The following ANKHD1 variants were observed in gnomAD, a reference collection of about 807,000 sequenced individuals.
The protein encoded by ANKHD1 is ankyrin repeat and KH domain containing 1, also known as ankyrin repeat and KH domain-containing protein 1.
Under a neutral mutation model 230.5 loss-of-function variants are expected in ANKHD1, and 31 were observed. That is an observed-to-expected ratio of 0.13 (90% CI 0.10 to 0.18). ANKHD1 has a LOEUF of 0.18. Among genes scored for constraint, ANKHD1 ranks in the 10% least tolerant of loss-of-function variants. The probability of loss-of-function intolerance (pLI) is 1.00; values close to 1 mark genes in which losing one functional copy is unlikely to be tolerated. For synonymous variants in ANKHD1, 1,074 were observed against 1,117.6 expected, an observed-to-expected ratio of 0.96 and a Z score of 0.78; for missense variants, 2,256 against 3,071.3, an observed-to-expected ratio of 0.73 and a Z score of 6.27.
chr5:140,537,767 A>T, intron 31 of ANKHD1, 178 bp downstream of exon 31: 2 of 1,084,716 alleles, frequency 1.8e-6, no homozygotes, highest in Non-Finnish European at 2.5e-6. Flanking sequence ...AGTCTGGAAT[A>T]TTGGTTGAGG....
intron 7 of ANKHD1, among the ~76,000 whole-genome samples, chr5:140,457,773 C>A (rs538361814): frequency 8.6e-5 from 13 of 151,608 alleles, no homozygotes; most frequent in South Asian, 2.1e-4. Flanking sequence ...TTAACGGATG[C>A]AGCACACCAA....
chr5:140,509,629 T>G lies in ANKHD1; in HGVS notation c.3766-8T>G, dbSNP rs1581354024. The G allele has an allele frequency of 6.5e-7, 1 of 1,537,164 alleles. No individual in the cohort carries two copies. The highest frequency in any genetic ancestry group is 2.3e-5 in the East Asian group (1 of 43,014). ...TAACTTAGTTGCATAATTTATTGGT[T>G]TAAACAGACGGGTCTTACCCCCTTG... On this transcript the variant is annotated splice_polypyrimidine_tract_variant and splice_region_variant and intron_variant, in intron 20 of 33. Coordinates refer to ENST00000360839, the MANE Select transcript of ANKHD1 (RefSeq NM_017747.3).
At chr5:140,433,062 C>G (rs552378184) in intron 1 of ANKHD1, among the ~76,000 whole-genome samples, 5 of 148,044 alleles carry the variant, frequency 3.4e-5, no homozygotes, top group Admixed American at 1.3e-4. Context: ...CTTCCCCCCC[C>G]CAAAAAAAAA....
chr5:140,443,514 C>A (rs1036778464), intron 5 of ANKHD1, among the ~76,000 whole-genome samples: 1 of 151,662 alleles, frequency 6.6e-6, no homozygotes, highest in Non-Finnish European at 1.5e-5. Flanking sequence ...CACGGTGAAA[C>A]CCCGTCTCTA....
chr5:140,443,435 A>AT (rs1774024000), intron 5 of ANKHD1, among the ~76,000 whole-genome samples: 1 of 151,876 alleles, frequency 6.6e-6, no homozygotes, highest in African/African-American at 2.4e-5. Flanking sequence ...TCACGCCTGT[A>AT]ATCCCAGCAC....
chr5:140,449,577 G>A (rs1230284841), intron 7 of ANKHD1, among the ~76,000 whole-genome samples: 3 of 151,504 alleles, frequency 2.0e-5, no homozygotes, highest in Non-Finnish European at 4.4e-5. Context: ...CAGGAGAATC[G>A]CTTGAACCCG....
chr5:140,524,370 CTT>C, intron 25 of ANKHD1, 130 bp downstream of exon 25: 1 of 1,361,320 alleles, frequency 7.3e-7, no homozygotes, highest in Non-Finnish European at 9.5e-7. Flanking sequence ...TGGACAATGA[CTT>C]TTATAGTAAA....
rs529452262 is a variant in ANKHD1, at chr5:140,458,997, C to CATATAT, written c.1481-140_1481-135dup. 77 of 31,740 alleles carry CATATAT rather than the reference C, an allele frequency of 2.4e-3. 1 individual carries two copies. Among genetic ancestry groups the CATATAT allele is most frequent in the South Asian group, 3.6e-3 (2 of 560 alleles). The allele number at this position is 31,740 out of a possible 1,614,324, so 2.0% of individuals were successfully genotyped here. Reference sequence around the variant, plus strand: ...ATATATATGCATATATATATATATGCATATATATATATATATATATATATA... The same window carrying CATATAT: ...ATATATATGCATATATATATATATGCATATATATATATATATATATATATATATATA... On this transcript the variant is annotated intron_variant, in intron 8 of 33. Transcript: ENST00000360839.
intron 24 of ANKHD1, 86 bp downstream of exon 24, chr5:140,513,565 T>G (rs900817036): frequency 1.5e-6 from 2 of 1,367,942 alleles, no homozygotes. Flanking sequence ...TCCCAGCACT[T>G]CAGAAGGCCA....
chr5:140,431,052 C>T (rs547273478), intron 1 of ANKHD1, among the ~76,000 whole-genome samples: 1 of 152,220 alleles, frequency 6.6e-6, no homozygotes, highest in Middle Eastern at 3.4e-3. Flanking sequence ...TGTGAACCGC[C>T]AAAAGTAATC....
chr5:140,408,020 T>C (rs1002578701), intron 1 of ANKHD1, among the ~76,000 whole-genome samples: 17 of 152,002 alleles, frequency 1.1e-4, no homozygotes, highest in Non-Finnish European at 2.5e-4. Flanking sequence ...CTACTAAAAA[T>C]ACAAAAATTA....
At chr5:140,441,855 A>C (rs546732982) in intron 5 of ANKHD1, among the ~76,000 whole-genome samples, 2 of 152,164 alleles carry the variant, frequency 1.3e-5, no homozygotes, top group East Asian at 3.9e-4. Flanking sequence ...TATGTATCTT[A>C]TAACAACATG....
intron 24 of ANKHD1, among the ~76,000 whole-genome samples, chr5:140,523,762 T>C (rs1463997430): frequency 6.6e-6 from 1 of 152,128 alleles, no homozygotes; most frequent in African/African-American, 2.4e-5. Flanking sequence ...GGTTTCGCCA[T>C]GTTGGCTACA....
In ANKHD1 at chr5:140,457,674, A is replaced by G. The variant is rs183889997; in HGVS notation, c.1243-951A>G. Among the ~76,000 whole-genome samples, 14 of 152,190 alleles carry G rather than the reference A, an allele frequency of 9.2e-5. No individual in the cohort carries two copies. The East Asian group carries it at 2.5e-3, about 27-fold the overall frequency. On this transcript the variant is annotated intron_variant, in intron 7 of 33. Coordinates refer to ENST00000360839, the MANE Select transcript of ANKHD1 (RefSeq NM_017747.3). ...AACAATGAGAACACTTGGACACAGGAAGGGGAACATCACACACCAGGGCCT... is the reference window on the plus strand; with the variant it reads ...AACAATGAGAACACTTGGACACAGGGAGGGGAACATCACACACCAGGGCCT...
Position 140,528,789 on chromosome 5 carries a change from G to A in ANKHD1, c.5843G>A (p.Cys1948Tyr), listed in dbSNP as rs776153441. The A allele has an allele frequency of 6.2e-7, 1 of 1,614,114 alleles. No individual in the cohort carries two copies. Among genetic ancestry groups the A allele is most frequent in the Admixed American group, 1.7e-5 (1 of 60,016 alleles). Residue 1948 changes from cysteine to tyrosine, a missense_variant, in exon 29 of 34, where the codon TGT (cysteine) becomes TAT (tyrosine). This residue lies in a region of ANKHD1 where 778 missense variants were observed against 966.5 expected (regional missense o/e 0.80). Transcript: ENST00000360839. ...GTAGTTGCTGCCAGTCAGCAACTGT[G>A]TGTCACTAATACCCGGACTCCTTCA... Reference protein sequence around the residue: ...SSVVAASQQLCVTNTRTPSSV... With the variant: ...SSVVAASQQLYVTNTRTPSSV...
At chr5:140,516,195 A>C in intron 24 of ANKHD1, among the ~76,000 whole-genome samples, 1 of 152,224 alleles carries the variant, frequency 6.6e-6, no homozygotes, top group Admixed American at 6.5e-5. Flanking sequence ...AAAGGGTATC[A>C]GCGATGGAAA....
chr5:140,505,586 G>A, intron 17 of ANKHD1, 138 bp from the exon 18 acceptor site: 6 of 1,287,894 alleles, frequency 4.7e-6, no homozygotes, highest in Non-Finnish European at 6.2e-6. Flanking sequence ...TTAGGGTTTA[G>A]AGCAGTTTTA....
In ANKHD1 at chr5:140,436,200, T is replaced by A. The variant is rs577346796; in HGVS notation, c.403T>A (p.Leu135Ile). ...FLSSTAEGAD[L>I]RTVDPETQAR... The stretch of plus-strand genomic sequence containing the variant: ...ATCAAGTACTGCAGAAGGAGCAGAC[T>A]TACGCACTGTGGATCCAGAGACACA... The change falls in exon 2 of 34, where the codon TTA becomes ATA. Residue 135 changes from leucine to isoleucine, a missense_variant. Physicochemically the swap from Leu to Ile is conservative, Grantham distance 5. Around this residue, in one of 13 missense-constraint regions of ANKHD1, gnomAD observed 193 missense variants for 185.8 expected, o/e 1.04. Transcript: ENST00000360839. The A allele has an allele frequency of 6.2e-7, 1 of 1,608,726 alleles. No homozygotes were observed. Among genetic ancestry groups the A allele is most frequent in the African/African-American group, 1.3e-5 (1 of 74,740 alleles).
At chr5:140,447,416 C>T (rs1774374523) in intron 6 of ANKHD1, among the ~76,000 whole-genome samples, 4 of 151,904 alleles carry the variant, frequency 2.6e-5, no homozygotes. Flanking sequence ...CTATGTTGCC[C>T]AGGTGGCTCT....
Sources: allele counts gnomAD v4.1 joint callset (sites outside exome capture counted in the v4.1 genomes callset), GRCh38; gene constraint gnomAD v4.1.1; regional missense constraint gnomAD v4.1.1; transcripts MANE v1.5; gene names NCBI Gene and HGNC (gene_info 2026-07-23, HGNC 2026-07-21).